Variants in NRP1 observed in about 807,000 individuals in gnomAD.
NRP1 encodes neuropilin-1.
Under a neutral mutation model 106.7 loss-of-function variants are expected in NRP1, and 35 were observed. The ratio of observed to expected loss-of-function variants is 0.33; its 90% CI spans 0.25 to 0.43. The LOEUF (loss-of-function observed/expected upper bound fraction) is 0.43, where lower values mean the gene tolerates loss of function less well. Among genes scored for constraint, NRP1 ranks in the 20% least tolerant of loss-of-function variants. The pLI, the probability that NRP1 is intolerant of heterozygous loss-of-function variation, is 1.00. For synonymous variants in NRP1, 437 were observed against 417.9 expected (o/e 1.05, Z -0.56); for missense variants, 1,024 against 1,170.4 (o/e 0.87, Z 1.83).
chr10:33,233,269 G>T (rs558488892), intron 6 of NRP1, among the ~76,000 whole-genome samples: 1 of 152,226 alleles, frequency 6.6e-6, no homozygotes, highest in Admixed American at 6.5e-5. Context: ...CCTCCCCACG[G>T]CACTGGGTTC....
chr10:33,243,735 A>G (rs1252922406), intron 6 of NRP1, among the ~76,000 whole-genome samples: 4 of 152,236 alleles, frequency 2.6e-5, no homozygotes, highest in Admixed American at 2.0e-4. Flanking sequence ...AACATGTGCA[A>G]TTAGTCTCAA....
At chr10:33,197,394 G>A (rs371601336) in intron 12 of NRP1, among the ~76,000 whole-genome samples, 1 of 152,158 alleles carries the variant, frequency 6.6e-6, no homozygotes, top group African/African-American at 2.4e-5. Context: ...TTTAAACAAA[G>A]TATGTTACTC....
intron 6 of NRP1, among the ~76,000 whole-genome samples, chr10:33,240,915 G>A (rs909115975): frequency 6.6e-6 from 1 of 152,184 alleles, no homozygotes; most frequent in African/African-American, 2.4e-5. Context: ...CAGATGAAGT[G>A]AACTTCTCAA....
rs368031644 is a variant in NRP1 at position 33,186,529 on chromosome 10, T to G, written c.2063-41A>C. On this transcript the variant is annotated intron_variant, in intron 13 of 16. Transcript: ENST00000374867. ...ACTGTGTTAGGGAGAGTGGCCAGGA[T>G]TACCACACTTTTATCTCTCTTCTTT... 6.4e-6 allele frequency: 10 copies of G among 1,561,928 alleles called. No homozygotes were observed. In the African/African-American group the frequency reaches 1.4e-4, roughly 21 times the overall value.
At chr10:33,292,526 T>C (rs1399905649) in intron 2 of NRP1, among the ~76,000 whole-genome samples, 1 of 152,174 alleles carries the variant, frequency 6.6e-6, no homozygotes, top group East Asian at 1.9e-4. Flanking sequence ...GGAAAGTAAG[T>C]TGTCTATGTA....
Position 33,185,417 on chromosome 10 carries a change from A to G in NRP1, c.2431+211T>C, listed in dbSNP as rs940117254. Among the ~76,000 whole-genome samples the G allele has an allele frequency of 2.6e-5, 4 of 152,240 alleles. No homozygotes were observed. In the East Asian group the frequency reaches 5.8e-4, roughly 22 times the overall value. On this transcript the variant is annotated intron_variant, in intron 15 of 16. Transcript: ENST00000374867. ...GGAGTTTTATAGGTATCAAGCAGCC[A>G]TTATGAAGGACCTAGGGTAGGTGAC...
intron 2 of NRP1, among the ~76,000 whole-genome samples, chr10:33,304,700 A>G (rs1022827817): frequency 6.6e-6 from 1 of 152,194 alleles, no homozygotes; most frequent in South Asian, 2.1e-4. Flanking sequence ...TTGGCATTCA[A>G]CAGTCGACTC....
chr10:33,238,883 T>C (rs1185733047), intron 6 of NRP1, among the ~76,000 whole-genome samples: 4 of 150,224 alleles, frequency 2.7e-5, no homozygotes, highest in African/African-American at 7.4e-5. Flanking sequence ...CTTAGTCTTT[T>C]GGGTAATTGG....
chr10:33,248,526 C>T (rs935854931), intron 6 of NRP1, among the ~76,000 whole-genome samples: 7 of 144,366 alleles, frequency 4.8e-5, no homozygotes, highest in African/African-American at 1.8e-4. Context: ...CTCCCTACCA[C>T]ACTAAGGGCT....
At chr10:33,312,801 G>GT (rs926253142) in intron 2 of NRP1, among the ~76,000 whole-genome samples, 208 of 150,876 alleles carry the variant, frequency 1.4e-3, no homozygotes, top group African/African-American at 4.5e-3. Context: ...TTCCTTTGTG[G>GT]TTTTTTTTTC....
intron 2 of NRP1, among the ~76,000 whole-genome samples, chr10:33,320,183 T>A (rs1847391500): frequency 6.6e-6 from 1 of 151,622 alleles, no homozygotes; most frequent in African/African-American, 2.4e-5. Context: ...CGTGGTGGCG[T>A]GTGCCTGTAG....
chr10:33,279,692 T>C (rs1843970348), intron 2 of NRP1, among the ~76,000 whole-genome samples: 1 of 151,988 alleles, frequency 6.6e-6, no homozygotes, highest in African/African-American at 2.4e-5. Flanking sequence ...GCTGCGGATC[T>C]TGGGGACCCT....
chr10:33,192,621 T>C (rs984403100), intron 12 of NRP1, among the ~76,000 whole-genome samples: 2 of 152,198 alleles, frequency 1.3e-5, no homozygotes, highest in Non-Finnish European at 2.9e-5. Context: ...CCACATTTAG[T>C]AATTTCTTTA....
intron 2 of NRP1, among the ~76,000 whole-genome samples, chr10:33,273,542 C>T (rs552501662): frequency 1.3e-5 from 2 of 152,170 alleles, no homozygotes; most frequent in Non-Finnish European, 2.9e-5. Flanking sequence ...TTGCAAATTT[C>T]GATCCCGAAG....
At chr10:33,308,858 A>G (rs759460175) in intron 2 of NRP1, among the ~76,000 whole-genome samples, 5 of 152,190 alleles carry the variant, frequency 3.3e-5, no homozygotes, top group Non-Finnish European at 7.4e-5. Context: ...TGCCAAAAAT[A>G]TATATTTTAA....
intron 7 of NRP1, among the ~76,000 whole-genome samples, chr10:33,222,523 A>G (rs1284520055): frequency 6.7e-6 from 1 of 149,310 alleles, no homozygotes; most frequent in Non-Finnish European, 1.5e-5. Flanking sequence ...TTATTTATTT[A>G]TTTATTTATT....
intron 8 of NRP1, among the ~76,000 whole-genome samples, chr10:33,214,500 T>A (rs550161333): frequency 8.5e-5 from 13 of 152,304 alleles, no homozygotes; most frequent in African/African-American, 3.1e-4. Context: ...GCAACAGAAC[T>A]CTTGTTGCTA....
At chr10:33,300,790 C>T (rs568862303) in intron 2 of NRP1, among the ~76,000 whole-genome samples, 2 of 152,234 alleles carry the variant, frequency 1.3e-5, no homozygotes, top group African/African-American at 2.4e-5. Context: ...TGAGTTGTCC[C>T]GCCTTTACTT....
At chr10:33,214,618 G>A (rs548715485) in intron 8 of NRP1, among the ~76,000 whole-genome samples, 1 of 152,222 alleles carries the variant, frequency 6.6e-6, no homozygotes, top group East Asian at 1.9e-4. Flanking sequence ...TACACCAACT[G>A]CTACTTAAAT....
Sources: allele counts gnomAD v4.1 joint callset (sites outside exome capture counted in the v4.1 genomes callset), GRCh38; gene constraint gnomAD v4.1.1; transcripts MANE v1.5; gene names NCBI Gene and HGNC (gene_info 2026-07-23, HGNC 2026-07-21).